Variants in C6orf62 observed in about 807,000 individuals in gnomAD.
C6orf62 encodes uncharacterized protein C6orf62.
In C6orf62, 16 loss-of-function variants were observed where a neutral mutation model predicts 26.8. The observed-to-expected ratio is 0.60, with a 90% CI of 0.40 to 0.91. The LOEUF is 0.91. Ranked by LOEUF, C6orf62 falls within the 40% of genes least tolerant of loss-of-function variation. C6orf62 has a pLI of 0.00. For missense variants in C6orf62, 192 were observed against 271.4 expected, an observed-to-expected ratio of 0.71 and a Z score of 2.06; for synonymous variants, 112 against 91.5, an observed-to-expected ratio of 1.22 and a Z score of -1.28.
At chr6:24,720,013 G>GGGGGGGGCGCCC, upstream of C6orf62, 1 of 1,479,414 alleles carries the variant, frequency 6.8e-7, no homozygotes, top group Non-Finnish European at 9.0e-7. Flanking sequence ...TCTAAAGTAA[G>GGGGGGGGCGCCC]CCCACCCACC....
At chr6:24,716,350 A>T in intron 1 of C6orf62, 26 bp from the exon 2 acceptor site, 1 of 1,575,026 alleles carries the variant, frequency 6.3e-7, no homozygotes, top group Non-Finnish European at 8.7e-7. Flanking sequence ...ATGGTGTATT[A>T]ACCCACAGGG....
rs942915578 is a variant in C6orf62, at chr6:24,710,238, A to G, written c.430-1327T>C. On this transcript the variant is annotated intron_variant, in intron 3 of 4. Transcript: ENST00000378119. ...AACTTGCTTCAAATCCTTTCCCAGAATAAGATGTGGTTATCTGTAAAACTC... is the reference window on the plus strand; with the variant it reads ...AACTTGCTTCAAATCCTTTCCCAGAGTAAGATGTGGTTATCTGTAAAACTC... The G allele has an allele frequency of 1.2e-5, 12 of 985,224 alleles. No homozygotes were observed. The East Asian group carries it at 4.5e-4, about 37-fold the overall frequency. The allele number at this position is 985,224 out of a possible 1,614,324, so 61.0% of individuals were successfully genotyped here.
intron 1 of C6orf62, among the ~76,000 whole-genome samples, 167 bp downstream of exon 1, chr6:24,718,373 C>G (rs1779278473): frequency 6.6e-6 from 1 of 152,330 alleles, no homozygotes; most frequent in African/African-American, 2.4e-5. Flanking sequence ...CATGCTGCAA[C>G]TGCTCAATTC....
intron 4 of C6orf62, among the ~76,000 whole-genome samples, chr6:24,708,479 A>C (rs1562167871): frequency 6.6e-6 from 1 of 152,156 alleles, no homozygotes; most frequent in Non-Finnish European, 1.5e-5. Context: ...CTGGGACTAC[A>C]GGCACACGCC....
intron 3 of C6orf62, among the ~76,000 whole-genome samples, chr6:24,712,168 T>A (rs917400605): frequency 1.3e-5 from 2 of 151,320 alleles, no homozygotes; most frequent in Admixed American, 1.3e-4. Flanking sequence ...GCAGATCACT[T>A]GAGGTCAAGG....
chr6:24,719,409 C>G (rs906353272), upstream of C6orf62: 1 of 1,028,100 alleles, frequency 9.7e-7, no homozygotes, highest in Non-Finnish European at 1.2e-6. Context: ...CAGGGTTTCC[C>G]TGCAATCAAC....
Position 24,705,085 on chromosome 6 carries a change from A to C in C6orf62, c.*1052T>G, listed in dbSNP as rs1219011896. On this transcript the variant is annotated 3_prime_UTR_variant, in exon 5 of 5. Coordinates refer to ENST00000378119, the MANE Select transcript of C6orf62 (RefSeq NM_030939.5). ...TCATTTAAAAGGAGAAAAAAAAAAA[A>C]ACCTATACAGTAGTCTTTCCTTATG... 1 of 152,232 alleles carries C rather than the reference A, an allele frequency of 6.6e-6. No individual in the cohort carries two copies. The highest frequency in any genetic ancestry group is 2.4e-5 in the African/African-American group (1 of 41,406). The allele number at this position is 152,232 out of a possible 1,614,324, so 9.4% of individuals were successfully genotyped here. A position where few individuals can be genotyped will look rare whatever the true frequency, so the allele number is the denominator to read the frequency against.
At chr6:24,710,572 GTTC>G (rs931521017) in intron 3 of C6orf62, 60 of 983,744 alleles carry the variant, frequency 6.1e-5, no homozygotes, top group Non-Finnish European at 6.8e-5. Flanking sequence ...CCCAAATTGG[GTTC>G]TTATCATCAA....
chr6:24,716,210 G>C lies in C6orf62; in HGVS notation c.244C>G (p.Leu82Val), dbSNP rs1183112799. Reference sequence around the variant, plus strand: ...ACCACATCCTTCTGTAAAAGCTCTAGGGAACTTTCCAAGGAATAGCTGGAA... The same window carrying C: ...ACCACATCCTTCTGTAAAAGCTCTACGGAACTTTCCAAGGAATAGCTGGAA... ...RDSSYSLESS[L>V]ELLQKDVVQL... Residue 82 changes from leucine (L) to valine (V), a missense_variant, in exon 2 of 5, where the codon CTA (leucine) becomes GTA (valine). Leu to Val is a conservative substitution (Grantham distance 32). Coordinates refer to ENST00000378119, the MANE Select transcript of C6orf62 (RefSeq NM_030939.5). The C allele has an allele frequency of 1.9e-6, 3 of 1,613,850 alleles. No individual in the cohort carries two copies. The highest frequency in any genetic ancestry group is 2.5e-6 in the Non-Finnish European group (3 of 1,179,762).
upstream of C6orf62, chr6:24,720,581 G>A (rs866555577): frequency 6.2e-4 from 110 of 177,236 alleles, 1 homozygote; most frequent in Middle Eastern, 2.6e-3. Context: ...GAAGGGAAAG[G>A]AAGCCCTGCG....
chr6:24,719,664 C>T (rs1461458757), upstream of C6orf62: 3 of 1,456,296 alleles, frequency 2.1e-6, no homozygotes, highest in South Asian at 1.4e-5. Flanking sequence ...ACTAGTCCTA[C>T]ATTCCCCAAG....
At chr6:24,709,864 G>C in intron 3 of C6orf62, 5 of 980,738 alleles carry the variant, frequency 5.1e-6, no homozygotes, top group Non-Finnish European at 6.0e-6. Flanking sequence ...ATACTGAGTT[G>C]TACAAATAAT....
upstream of C6orf62, chr6:24,719,997 A>G (rs1251964667): frequency 4.6e-6 from 7 of 1,534,464 alleles, no homozygotes; most frequent in African/African-American, 1.4e-5. Flanking sequence ...TTGTGTTAAT[A>G]TTACTTCTAA....
chr6:24,706,256 T>C lies in C6orf62; in HGVS notation c.571A>G (p.Lys191Glu). Residue 191 changes from lysine (K) to glutamate (E), a missense_variant, in exon 5 of 5, where the codon AAA (lysine) becomes GAA (glutamate). Transcript: ENST00000378119. ...FIDRQHLQTP[K>E]NKATIFKLCS... is the part of the protein sequence containing the mutation. ...AACTTGAAGATTGTAGCTTTGTTTTTTGGAGTCTGGAAGGGGAAAACATTT... is the reference window on the plus strand; with the variant it reads ...AACTTGAAGATTGTAGCTTTGTTTTCTGGAGTCTGGAAGGGGAAAACATTT... The C allele has an allele frequency of 6.2e-7, 1 of 1,614,142 alleles. No individual in the cohort carries two copies. The highest frequency in any genetic ancestry group is 8.5e-7 in the Non-Finnish European group (1 of 1,180,012).
At chr6:24,710,859 G>T (rs184582524) in intron 3 of C6orf62, among the ~76,000 whole-genome samples, 1 of 152,014 alleles carries the variant, frequency 6.6e-6, no homozygotes, top group African/African-American at 2.4e-5. Context: ...TGGGCATGGG[G>T]TGCACACCTG....
At chr6:24,720,402 G>A, upstream of C6orf62, 10 of 1,156,624 alleles carry the variant, frequency 8.6e-6, no homozygotes, top group Non-Finnish European at 1.1e-5. Flanking sequence ...TGGACCGCCC[G>A]CGCTGCTGCC....
rs1470623847 is a variant in C6orf62, at chr6:24,716,201, A to G, written c.253T>C (p.Leu85=). The G allele has an allele frequency of 6.2e-7, 1 of 1,614,014 alleles. No homozygotes were observed. The highest frequency in any genetic ancestry group is 1.7e-5 in the Admixed American group (1 of 60,014). The change falls in exon 2 of 5, where the codon TTA becomes CTA. Residue 85 remains leucine (L), a synonymous_variant. Transcript: ENST00000378119. The part of the protein sequence containing the change: ...SYSLESSLEL[L]QKDVVQLHAP... ...TGGAGCTGTACCACATCCTTCTGTA[A>G]AAGCTCTAGGGAACTTTCCAAGGAA...
At chr6:24,719,942 G>A (rs1401667501), upstream of C6orf62, 5 of 1,550,494 alleles carry the variant, frequency 3.2e-6, no homozygotes, top group Admixed American at 5.9e-5. Context: ...GAGTGGGCGG[G>A]AGAGGGTAAA....
chr6:24,717,109 A>C (rs778227485), intron 1 of C6orf62, among the ~76,000 whole-genome samples: 1 of 152,204 alleles, frequency 6.6e-6, no homozygotes, highest in Non-Finnish European at 1.5e-5. Flanking sequence ...TCACTAAACT[A>C]CTTTTTAAAA....
Sources: allele counts gnomAD v4.1 joint callset (sites outside exome capture counted in the v4.1 genomes callset), GRCh38; gene constraint gnomAD v4.1.1; transcripts MANE v1.5; gene names NCBI Gene and HGNC (gene_info 2026-07-23, HGNC 2026-07-21).